Variants in CCDC171 observed in about 807,000 individuals in gnomAD.
CCDC171 encodes the protein coiled-coil domain-containing protein 171.
In CCDC171, 177 loss-of-function variants were observed where a neutral mutation model predicts 168.2. The ratio of observed to expected loss-of-function variants is 1.05; its 90% CI spans 0.93 to 1.19. The LOEUF is 1.19. Ranked by LOEUF, CCDC171 falls within the 50% of genes most tolerant of loss-of-function variation. The pLI is 0.00. For missense variants in CCDC171, 1,991 were observed against 1,539.0 expected (o/e 1.29, Z -4.91); for synonymous variants, 687 against 540.8 (o/e 1.27, Z -3.75).
intron 3 of CCDC171, among the ~76,000 whole-genome samples, chr9:16,006,114 G>A (rs1333948594): frequency 6.6e-6 from 1 of 151,976 alleles, no homozygotes; most frequent in Non-Finnish European, 1.5e-5. Flanking sequence ...TGCCCATCTT[G>A]GCCCTCCAAA....
At chr9:15,638,923 AAGAAAAG>A (rs1359502247) in intron 7 of CCDC171, among the ~76,000 whole-genome samples, 3 of 152,044 alleles carry the variant, frequency 2.0e-5, no homozygotes, top group African/African-American at 7.2e-5. Flanking sequence ...TTAACTCAAT[AAGAAAAG>A]AGAAAAGAGA....
chr9:16,035,328 TA>T (rs1833444811), intron 6 of CCDC171: 2 of 152,208 alleles, frequency 1.3e-5, no homozygotes, highest in African/African-American at 4.8e-5. Flanking sequence ...TGGATCCCTT[TA>T]AAAAAATTTT....
intron 3 of CCDC171, among the ~76,000 whole-genome samples, chr9:15,980,794 G>T (rs1336766587): frequency 2.0e-5 from 3 of 149,366 alleles, no homozygotes; most frequent in Non-Finnish European, 4.4e-5. Context: ...ACTGAATTGT[G>T]TCCCCCCAAC....
intron 3 of CCDC171, among the ~76,000 whole-genome samples, chr9:16,004,951 A>G (rs538110556): frequency 6.6e-6 from 1 of 152,276 alleles, no homozygotes; most frequent in Admixed American, 6.5e-5. Flanking sequence ...GTTACTATAT[A>G]TATTATATAT....
intron 8 of CCDC171, among the ~76,000 whole-genome samples, chr9:16,036,847 A>G (rs1238102130): frequency 6.6e-6 from 1 of 151,784 alleles, no homozygotes; most frequent in Non-Finnish European, 1.5e-5. Context: ...CAGCCATAAA[A>G]AAGAATGAAA....
At chr9:15,571,831 A>T (rs1458901416) in intron 3 of CCDC171, 72 bp downstream of exon 3, 1 of 1,363,274 alleles carries the variant, frequency 7.3e-7, no homozygotes, top group Non-Finnish European at 1.0e-6. Flanking sequence ...CATATGAAAA[A>T]CTCCATGTTT....
intron 23 of CCDC171, among the ~76,000 whole-genome samples, chr9:15,850,780 C>T (rs1032272682): frequency 6.6e-6 from 1 of 151,784 alleles, no homozygotes; most frequent in Admixed American, 6.6e-5. Flanking sequence ...TTTTTCTGGC[C>T]ACCTTGGACT....
intron 1 of CCDC171, among the ~76,000 whole-genome samples, chr9:16,053,517 G>A (rs1833784643): frequency 6.6e-6 from 1 of 152,246 alleles, no homozygotes; most frequent in Non-Finnish European, 1.5e-5. Context: ...ATGAATGTTT[G>A]TTTGAGGATA....
chr9:15,601,779 C>G (rs1033340456), intron 6 of CCDC171, among the ~76,000 whole-genome samples: 1 of 152,158 alleles, frequency 6.6e-6, no homozygotes, highest in South Asian at 2.1e-4. Flanking sequence ...TTAAAGGCTA[C>G]TTGGAATAAA....
At chr9:15,934,363 C>G (rs1347390689) in intron 25 of CCDC171, among the ~76,000 whole-genome samples, 1 of 139,966 alleles carries the variant, frequency 7.1e-6, no homozygotes, top group South Asian at 2.2e-4. Context: ...GCACTCCAGC[C>G]TGGGCAACAG....
intron 25 of CCDC171, among the ~76,000 whole-genome samples, chr9:15,941,808 A>G (rs957013261): frequency 6.6e-6 from 1 of 151,992 alleles, no homozygotes; most frequent in African/African-American, 2.4e-5. Flanking sequence ...ATAAAATGCA[A>G]AGAACTAACA....
At chr9:15,831,165 A>T (rs183429176) in intron 21 of CCDC171, among the ~76,000 whole-genome samples, 83 of 151,388 alleles carry the variant, frequency 5.5e-4, no homozygotes, top group African/African-American at 1.9e-3. Context: ...GTAGAGACGG[A>T]GTTTCACCAT....
the CCDC171 span, among the ~76,000 whole-genome samples, chr9:16,069,932 C>A: frequency 6.6e-6 from 1 of 152,158 alleles, no homozygotes; most frequent in Admixed American, 6.5e-5. Context: ...AGGGCTCCCC[C>A]TCCCATAGCA....
At chr9:15,708,483 A>G (rs1564257158) in intron 11 of CCDC171, among the ~76,000 whole-genome samples, 1 of 152,170 alleles carries the variant, frequency 6.6e-6, no homozygotes. Flanking sequence ...TGTACCAACT[A>G]GAAAATTGGG....
At chr9:16,025,236 G>A (rs1036933069) in intron 6 of CCDC171, among the ~76,000 whole-genome samples, 22 of 152,170 alleles carry the variant, frequency 1.4e-4, no homozygotes, top group Non-Finnish European at 2.2e-4. Context: ...GAGGTCAGGA[G>A]TTCAAAACCA....
chr9:15,844,674 T>C (rs569164501), intron 21 of CCDC171, among the ~76,000 whole-genome samples: 2 of 152,270 alleles, frequency 1.3e-5, no homozygotes, highest in South Asian at 2.1e-4. Context: ...TGAAATAGTA[T>C]AAGCTTTAGA....
intron 8 of CCDC171, among the ~76,000 whole-genome samples, chr9:16,037,186 T>A (rs1267450992): frequency 6.6e-6 from 1 of 152,242 alleles, no homozygotes; most frequent in African/African-American, 2.4e-5. Context: ...TTTGAGGTGA[T>A]GAATATTCTA....
At chr9:15,609,199 A>C (rs1311759185) in intron 6 of CCDC171, among the ~76,000 whole-genome samples, 2 of 151,690 alleles carry the variant, frequency 1.3e-5, no homozygotes, top group Non-Finnish European at 2.9e-5. Context: ...TCCCGGGTTC[A>C]AGCGATTCTC....
In CCDC171 at chr9:15,819,402, T is replaced by C. The variant is rs1466479760; in HGVS notation, c.3268-27300T>C. Among the ~76,000 whole-genome samples the C allele has an allele frequency of 1.7e-5, 2 of 116,474 alleles. 1 individual carries two copies. The highest frequency in any genetic ancestry group is 3.9e-5 in the Non-Finnish European group (2 of 51,866). 76.4% of individuals were successfully genotyped at this position (116,474 alleles called of 152,430 possible). On this transcript the variant is annotated intron_variant, in intron 21 of 25. Coordinates refer to ENST00000380701, the MANE Select transcript of CCDC171 (RefSeq NM_173550.4). ...CAATTAAAAGACACAGACTGGCAAA[T>C]TGGATAGTCAAGACCCATCAGTGTG... is the stretch of plus-strand genomic sequence containing the variant.
Sources: allele counts gnomAD v4.1 joint callset (sites outside exome capture counted in the v4.1 genomes callset), GRCh38; gene constraint gnomAD v4.1.1; transcripts MANE v1.5; gene names NCBI Gene and HGNC (gene_info 2026-07-23, HGNC 2026-07-21).